EEF1G: variants seen among roughly 807,000 people sequenced by gnomAD.
The protein encoded by EEF1G is elongation factor 1-gamma.
A neutral mutation model predicts 58.3 loss-of-function variants in EEF1G; 14 were observed. The observed-to-expected ratio is 0.24, with a 90% CI of 0.16 to 0.38. The LOEUF is 0.38. Among genes scored for constraint, EEF1G ranks in the 10% least tolerant of loss-of-function variants. EEF1G has a pLI of 1.00. For synonymous variants in EEF1G, 180 were observed against 206.8 expected, an observed-to-expected ratio of 0.87 and a Z score of 1.11; for missense variants, 322 against 550.1, an observed-to-expected ratio of 0.59 and a Z score of 4.15.
rs543338146 is a variant in EEF1G, at chr11:62,563,955, T to C, written c.857+2851A>G. Among the ~76,000 whole-genome samples, 7 of 152,224 alleles carry C rather than the reference T, an allele frequency of 4.6e-5. No individual in the cohort carries two copies. The South Asian group carries it at 1.2e-3, about 27-fold the overall frequency. ...CCTCCTGAACTGTTCAAGCTATTTG[T>C]TTTGAGACAGGGTCTTGCTCAGTCA... On this transcript the variant is annotated intron_variant, in intron 7 of 9. Coordinates refer to ENST00000329251, the MANE Select transcript of EEF1G (RefSeq NM_001404.5).
chr11:62,573,101 A>G (rs1941656174), intron 1 of EEF1G: 1 of 168,768 alleles, frequency 5.9e-6, no homozygotes, highest in Non-Finnish European at 1.3e-5. Context: ...CCCTCGCTTC[A>G]TTCATTGATG....
intron 1 of EEF1G, chr11:62,573,224 C>T (rs187397425): frequency 6.3e-6 from 1 of 157,620 alleles, no homozygotes; most frequent in African/African-American, 2.4e-5. Flanking sequence ...TCAGACTAGC[C>T]AGAGATAGGG....
intron 2 of EEF1G, among the ~76,000 whole-genome samples, chr11:62,572,342 TA>T (rs1365849849): frequency 3.3e-5 from 5 of 152,238 alleles, no homozygotes; most frequent in Admixed American, 2.0e-4. Context: ...TGAAAATGCT[TA>T]GTCAAAACTC....
At chr11:62,568,921 C>G (rs978683208) in intron 5 of EEF1G, among the ~76,000 whole-genome samples, 2 of 151,402 alleles carry the variant, frequency 1.3e-5, no homozygotes, top group African/African-American at 2.4e-5. Context: ...TGCAGTGAGC[C>G]GAGATCGCGC....
rs199677302 is a variant in EEF1G at position 62,560,271 on chromosome 11, C to G, written c.1030+11G>C. ...CCTTGTTCTCCTTCCTTCTCAGACCCACTCTCTTACCAGTGATGAGATTGC... is the reference window on the plus strand; with the variant it reads ...CCTTGTTCTCCTTCCTTCTCAGACCGACTCTCTTACCAGTGATGAGATTGC... On this transcript the variant is annotated intron_variant, in intron 8 of 9. Transcript: ENST00000329251. 2 of 1,613,826 alleles carry G rather than the reference C, an allele frequency of 1.2e-6. No homozygotes were observed. The highest frequency in any genetic ancestry group is 1.7e-5 in the Admixed American group (1 of 59,978).
intron 2 of EEF1G, among the ~76,000 whole-genome samples, chr11:62,572,215 T>C (rs888725415): frequency 2.0e-5 from 3 of 152,134 alleles, no homozygotes; most frequent in Non-Finnish European, 4.4e-5. Context: ...TATTAGTGTG[T>C]GACCCAGACC....
chr11:62,573,871 T>A lies in EEF1G; in HGVS notation c.-29A>T. The A allele has an allele frequency of 6.2e-7, 1 of 1,613,282 alleles. No homozygotes were observed. Among genetic ancestry groups the A allele is most frequent in the South Asian group, 1.1e-5 (1 of 91,050 alleles). ...GATTCCGCAAAGAAAGGGGGTGGGG[T>A]TCTCGGCGCTGCCGCAAAGTAAGCC... On this transcript the variant is annotated 5_prime_UTR_variant, in exon 1 of 10. Coordinates refer to ENST00000329251, the MANE Select transcript of EEF1G (RefSeq NM_001404.5).
At chr11:62,568,005 G>A (rs1941577520) in intron 5 of EEF1G, among the ~76,000 whole-genome samples, 1 of 150,686 alleles carries the variant, frequency 6.6e-6, no homozygotes, top group East Asian at 2.0e-4. Flanking sequence ...CGAGGCGGGC[G>A]GATCACGAGG....
chr11:62,559,929 G>C, intron 9 of EEF1G, 92 bp from the exon 10 acceptor site: 3 of 1,607,868 alleles, frequency 1.9e-6, no homozygotes, highest in Non-Finnish European at 2.6e-6. Flanking sequence ...TCAGACCCCA[G>C]GTCTCCTGTG....
chr11:62,570,828 TTACAGGCATGAGCCACTGC>T, intron 5 of EEF1G, 118 bp downstream of exon 5: 1 of 1,215,756 alleles, frequency 8.2e-7, no homozygotes, highest in Non-Finnish European at 1.2e-6. Flanking sequence ...TGTGCTCGGA[TTACAGGCATGAGCCACTGC>T]ACCCACCTCT....
intron 7 of EEF1G, among the ~76,000 whole-genome samples, chr11:62,562,478 CTTTT>C (rs936221225): frequency 6.6e-6 from 1 of 151,786 alleles, no homozygotes; most frequent in African/African-American, 2.4e-5. Flanking sequence ...AGAGGATAAT[CTTTT>C]TTTTGTTTTG....
At chr11:62,562,412 T>C (rs145288090) in intron 7 of EEF1G, among the ~76,000 whole-genome samples, 19 of 152,252 alleles carry the variant, frequency 1.2e-4, no homozygotes, top group African/African-American at 4.6e-4. Flanking sequence ...TGTGTGCATA[T>C]ACATACACAT....
rs752709521 is a variant in EEF1G, at chr11:62,559,759, G to A, written c.1234C>T (p.Leu412=). Residue 412 remains leucine, a synonymous_variant, in exon 10 of 10, where the codon CTG becomes TTG. Coordinates refer to ENST00000329251, the MANE Select transcript of EEF1G (RefSeq NM_001404.5). ...TCCCAGGAAAAGTACTCTCGAACCA[G>A]CGTCTGGGTCTCCTCGCTGCCAGGA... ...LDPGSEETQT[L]VREYFSWEGA... is the part of the protein sequence containing the mutation. The A allele has an allele frequency of 1.9e-6, 3 of 1,613,968 alleles. No individual in the cohort carries two copies. The highest frequency in any genetic ancestry group is 2.5e-6 in the Non-Finnish European group (3 of 1,179,892).
chr11:62,572,562 T>C, intron 2 of EEF1G, 22 bp downstream of exon 2: 1 of 1,611,748 alleles, frequency 6.2e-7, no homozygotes, highest in South Asian at 1.1e-5. Flanking sequence ...AACCGAAGGA[T>C]GCTCCCCATC....
At chr11:62,565,609 A>C (rs1352365405) in intron 7 of EEF1G, among the ~76,000 whole-genome samples, 1 of 152,222 alleles carries the variant, frequency 6.6e-6, no homozygotes, top group African/African-American at 2.4e-5. Flanking sequence ...TCTGAGTTAC[A>C]ACACAATATG....
intron 7 of EEF1G, among the ~76,000 whole-genome samples, chr11:62,561,292 T>C (rs1307161906): frequency 3.3e-5 from 5 of 151,538 alleles, no homozygotes; most frequent in Non-Finnish European, 7.4e-5. Flanking sequence ...GACAGGAGAA[T>C]AGCTTGAACC....
intron 1 of EEF1G, chr11:62,573,037 C>A (rs1254262121): frequency 2.6e-5 from 6 of 229,320 alleles, no homozygotes; most frequent in Non-Finnish European, 5.1e-5. Flanking sequence ...TCCAGAACTT[C>A]TAGCTCCATC....
At chr11:62,572,523 G>A in intron 2 of EEF1G, 61 bp downstream of exon 2, 1 of 1,596,850 alleles carries the variant, frequency 6.3e-7, no homozygotes, top group East Asian at 2.2e-5. Flanking sequence ...CCACCAGAGT[G>A]ACAGAATCGC....
chr11:62,564,883 C>T (rs564812417), intron 7 of EEF1G, among the ~76,000 whole-genome samples: 38 of 151,128 alleles, frequency 2.5e-4, no homozygotes, highest in African/African-American at 7.3e-4. Context: ...CTAGCTAACA[C>T]GGTGAAACTC....
Sources: gnomAD v4.1 joint callset for allele counts (sites outside exome capture counted in the v4.1 genomes callset) on GRCh38, gnomAD v4.1.1 for gene constraint, MANE v1.5 for transcripts, NCBI Gene and HGNC (gene_info 2026-07-23, HGNC 2026-07-21) for gene names.